Variants in KHDRBS2 observed in about 807,000 individuals in gnomAD.
The protein encoded by KHDRBS2 is KH RNA binding domain containing, signal transduction associated 2, also known as KH domain-containing, RNA-binding, signal transduction-associated protein 2.
In KHDRBS2, 26 loss-of-function variants were observed where a neutral mutation model predicts 44.3. That is an observed-to-expected ratio of 0.59 (90% CI 0.43 to 0.81). The LOEUF (loss-of-function observed/expected upper bound fraction) is 0.81. KHDRBS2 is among the 40% of genes least tolerant of loss of function. The pLI is 0.00. For missense variants in KHDRBS2, 476 were observed against 433.1 expected (o/e 1.10, Z -0.88); for synonymous variants, 194 against 151.1 (o/e 1.28, Z -2.08).
chr6:61,701,063 GA>G (rs1166916910), intron 7 of KHDRBS2, among the ~76,000 whole-genome samples: 1 of 151,736 alleles, frequency 6.6e-6, no homozygotes, highest in Non-Finnish European at 1.5e-5. Context: ...TGGGTGCAAA[GA>G]AAAAAATACT....
intron 6 of KHDRBS2, among the ~76,000 whole-genome samples, chr6:61,787,093 A>G (rs1011055766): frequency 2.0e-5 from 3 of 150,140 alleles, no homozygotes; most frequent in Non-Finnish European, 4.4e-5. Flanking sequence ...TTTATTAAAT[A>G]TTCTTAAAAG....
chr6:62,070,340 T>C (rs966278017), intron 2 of KHDRBS2, among the ~76,000 whole-genome samples: 23 of 151,992 alleles, frequency 1.5e-4, no homozygotes, highest in Non-Finnish European at 2.6e-4. Flanking sequence ...CACTTCTTTT[T>C]TTTTTTCTTT....
At chr6:61,560,958 A>G in the KHDRBS2 span, among the ~76,000 whole-genome samples, 1 of 152,094 alleles carries the variant, frequency 6.6e-6, no homozygotes, top group Non-Finnish European at 1.5e-5. Context: ...CCTCCTTCTT[A>G]GGAAAGCTTT....
chr6:62,110,116 A>G (rs185129186), intron 2 of KHDRBS2, among the ~76,000 whole-genome samples: 1 of 152,222 alleles, frequency 6.6e-6, no homozygotes, highest in East Asian at 1.9e-4. Flanking sequence ...TCCAAAGCAT[A>G]TATCTCATAA....
chr6:61,732,709 T>A lies in KHDRBS2; in HGVS notation c.866A>T (p.Asp289Val). The A allele has an allele frequency of 6.2e-7, 1 of 1,611,204 alleles. No homozygotes were observed. Among genetic ancestry groups the A allele is most frequent in the Non-Finnish European group, 8.5e-7 (1 of 1,177,880 alleles). Residue 289 changes from aspartate to valine, a missense_variant, in exon 7 of 9, where the codon GAT (aspartate) becomes GTT (valine). Asp to Val is a radical substitution (Grantham distance 152, BLOSUM62 -3). Coordinates refer to ENST00000281156, the MANE Select transcript of KHDRBS2 (RefSeq NM_152688.4). Reference sequence around the variant, plus strand: ...TTGTGTTTGGGTCGCATAGCTGTTATCATAAGTCTCATAGGTCTGGTCATC... The same window carrying A: ...TTGTGTTTGGGTCGCATAGCTGTTAACATAAGTCTCATAGGTCTGGTCATC... The part of the protein sequence containing the change: ...EYDDQTYETY[D>V]NSYATQTQSV...
At chr6:61,710,584 T>A (rs1173736105) in intron 7 of KHDRBS2, among the ~76,000 whole-genome samples, 1 of 151,410 alleles carries the variant, frequency 6.6e-6, no homozygotes, top group African/African-American at 2.4e-5. Flanking sequence ...TATGACTCTA[T>A]GTCCCTAACT....
intron 1 of KHDRBS2, among the ~76,000 whole-genome samples, chr6:62,263,507 G>T (rs1269680610): frequency 1.3e-5 from 2 of 151,598 alleles, no homozygotes; most frequent in Non-Finnish European, 3.0e-5. Context: ...TTGTTTAGCA[G>T]AGTGATAATC....
rs564827778 is a variant in KHDRBS2 at position 62,096,435 on chromosome 6, A to C, written c.220-48441T>G. On this transcript the variant is annotated intron_variant, in intron 2 of 8. Coordinates refer to ENST00000281156, the MANE Select transcript of KHDRBS2 (RefSeq NM_152688.4). ...GTCTTATAAGATTATCTATTTATTCATGATTCAATCTTGGTCAGCTCTATG... is the reference window on the plus strand; with the variant it reads ...GTCTTATAAGATTATCTATTTATTCCTGATTCAATCTTGGTCAGCTCTATG... Among the ~76,000 whole-genome samples, 4 of 151,872 alleles carry C rather than the reference A, an allele frequency of 2.6e-5. No individual in the cohort carries two copies. The South Asian group carries it at 8.3e-4, about 32-fold the overall frequency.
the KHDRBS2 span, among the ~76,000 whole-genome samples, chr6:61,597,773 T>TATATATATATATATATATATACAC: frequency 2.2e-3 from 95 of 42,264 alleles, 12 homozygotes; most frequent in Middle Eastern, 0.023. Flanking sequence ...TATATATATA[T>TATATATATATATATATATATACAC]ACACCAAGAT....
At chr6:61,603,392 C>T in the KHDRBS2 span, among the ~76,000 whole-genome samples, 4 of 152,164 alleles carry the variant, frequency 2.6e-5, no homozygotes, top group Non-Finnish European at 5.9e-5. Context: ...TTCATCCCAG[C>T]CTCTCTTTGC....
the KHDRBS2 span, among the ~76,000 whole-genome samples, chr6:61,543,111 T>A: frequency 1.3e-5 from 2 of 151,894 alleles, no homozygotes; most frequent in Middle Eastern, 6.8e-3. Flanking sequence ...AATGGACAAA[T>A]GGGATCACAT....
chr6:62,058,870 A>G lies in KHDRBS2; in HGVS notation c.220-10876T>C, dbSNP rs1790934834. 7.9e-5 allele frequency among the ~76,000 whole-genome samples: 12 copies of G among 152,018 alleles called. No homozygotes were observed. In the South Asian group the frequency reaches 2.5e-3, roughly 31 times the overall value. Reference sequence around the variant, plus strand: ...GATTTAGAATTAACCATTAAAGCTAATATCAATATATTACCACAAATATAA... The same window carrying G: ...GATTTAGAATTAACCATTAAAGCTAGTATCAATATATTACCACAAATATAA... On this transcript the variant is annotated intron_variant, in intron 2 of 8. Coordinates refer to ENST00000281156, the MANE Select transcript of KHDRBS2 (RefSeq NM_152688.4).
intron 4 of KHDRBS2, among the ~76,000 whole-genome samples, chr6:61,976,994 T>G (rs1419630551): frequency 2.6e-5 from 4 of 152,148 alleles, no homozygotes; most frequent in Non-Finnish European, 2.9e-5. Context: ...GGTCTGCAAT[T>G]ATTCTATAAC....
At chr6:62,057,118 T>A (rs1450100255) in intron 2 of KHDRBS2, among the ~76,000 whole-genome samples, 1 of 151,490 alleles carries the variant, frequency 6.6e-6, no homozygotes, top group African/African-American at 2.4e-5. Flanking sequence ...ATTAACTATA[T>A]AAAAGTATTT....
chr6:61,601,704 T>C, the KHDRBS2 span, among the ~76,000 whole-genome samples: 1 of 151,922 alleles, frequency 6.6e-6, no homozygotes, highest in Non-Finnish European at 1.5e-5. Context: ...AATATTCCTT[T>C]TCTACAGACC....
chr6:62,151,381 C>T (rs1369045866), intron 2 of KHDRBS2, among the ~76,000 whole-genome samples: 1 of 152,152 alleles, frequency 6.6e-6, no homozygotes, highest in Non-Finnish European at 1.5e-5. Context: ...GAATTAATCT[C>T]TTTCTGTCTG....
chr6:61,997,279 C>T (rs1777374358), intron 3 of KHDRBS2, among the ~76,000 whole-genome samples: 1 of 152,092 alleles, frequency 6.6e-6, no homozygotes, highest in African/African-American at 2.4e-5. Context: ...ATAACTATCA[C>T]CCTATTGATT....
intron 7 of KHDRBS2, among the ~76,000 whole-genome samples, chr6:61,705,667 T>C (rs1175020123): frequency 6.6e-6 from 1 of 151,788 alleles, no homozygotes; most frequent in Non-Finnish European, 1.5e-5. Flanking sequence ...TGATTGAGAT[T>C]AGGAATATTA....
the KHDRBS2 span, among the ~76,000 whole-genome samples, chr6:61,580,533 T>C: frequency 6.6e-6 from 1 of 152,172 alleles, no homozygotes; most frequent in Non-Finnish European, 1.5e-5. Context: ...TCTTTGGGTC[T>C]GCTGCTCACT....
Sources: allele counts gnomAD v4.1 joint callset (sites outside exome capture counted in the v4.1 genomes callset), GRCh38; gene constraint gnomAD v4.1.1; transcripts MANE v1.5; gene names NCBI Gene and HGNC (gene_info 2026-07-23, HGNC 2026-07-21).